The following PDE1A variants were observed in gnomAD, a reference collection of about 807,000 sequenced individuals.
The protein encoded by PDE1A is dual specificity calcium/calmodulin-dependent 3',5'-cyclic nucleotide phosphodiesterase 1A.
A neutral mutation model predicts 61.7 loss-of-function variants in PDE1A; 35 were observed. The observed-to-expected ratio is 0.57, with a 90% CI of 0.43 to 0.75. The LOEUF is 0.75. PDE1A is among the 30% of genes least tolerant of loss of function. The pLI, the probability that PDE1A is intolerant of heterozygous loss-of-function variation, is 0.00. For synonymous variants in PDE1A, 232 were observed against 213.2 expected, an observed-to-expected ratio of 1.09 and a Z score of -0.77; for missense variants, 597 against 630.6, an observed-to-expected ratio of 0.95 and a Z score of 0.57.
chr2:182,218,458 A>C (rs1688429226), intron 7 of PDE1A, among the ~76,000 whole-genome samples: 1 of 152,136 alleles, frequency 6.6e-6, no homozygotes, highest in Non-Finnish European at 1.5e-5. Flanking sequence ...AATACAATGC[A>C]TTGTTATTAA....
At chr2:182,319,751 A>G (rs191058989) in intron 1 of PDE1A, among the ~76,000 whole-genome samples, 9 of 152,354 alleles carry the variant, frequency 5.9e-5, no homozygotes, top group Admixed American at 4.6e-4. Flanking sequence ...TGACAAGCAC[A>G]GTAACTCATC....
the PDE1A span, among the ~76,000 whole-genome samples, chr2:182,694,852 G>T: frequency 0.58 from 81,089 of 138,624 alleles, 24,190 homozygotes; most frequent in Middle Eastern, 0.71. Flanking sequence ...TTGTTTGTTT[G>T]TTTTTTTTTT....
chr2:182,655,221 T>C, the PDE1A span, among the ~76,000 whole-genome samples: 1 of 152,144 alleles, frequency 6.6e-6, no homozygotes, highest in Admixed American at 6.5e-5. Flanking sequence ...TAGTCTCCCA[T>C]AATAAATCCA....
intron 1 of PDE1A, among the ~76,000 whole-genome samples, chr2:182,343,600 C>T (rs1033626754): frequency 3.9e-5 from 6 of 152,110 alleles, no homozygotes; most frequent in African/African-American, 1.4e-4. Flanking sequence ...ACAAGGTTAG[C>T]ATTTTATACA....
chr2:182,502,726 T>A (rs1689156178), intron 2 of PDE1A, among the ~76,000 whole-genome samples: 1 of 152,144 alleles, frequency 6.6e-6, no homozygotes, highest in African/African-American at 2.4e-5. Context: ...AAAATCAGAC[T>A]TTTTTCATTT....
chr2:182,642,123 A>C, the PDE1A span, among the ~76,000 whole-genome samples: 1 of 152,242 alleles, frequency 6.6e-6, no homozygotes. Flanking sequence ...ATGATATGGA[A>C]TCCTGCAAAT....
chr2:182,700,943 T>G, the PDE1A span, among the ~76,000 whole-genome samples: 2 of 151,994 alleles, frequency 1.3e-5, no homozygotes, highest in Admixed American at 1.3e-4. Flanking sequence ...AGTAATTCAT[T>G]AAATGCATGT....
chr2:182,152,391 T>C (rs1690832549), intron 13 of PDE1A, among the ~76,000 whole-genome samples: 1 of 150,080 alleles, frequency 6.7e-6, no homozygotes, highest in Non-Finnish European at 1.5e-5. Context: ...CCAGGGGAAA[T>C]ACTTTCCCTA....
intron 1 of PDE1A, among the ~76,000 whole-genome samples, chr2:182,332,598 T>C (rs1414572721): frequency 1.3e-5 from 2 of 152,190 alleles, no homozygotes; most frequent in African/African-American, 2.4e-5. Flanking sequence ...CATTTGTTCA[T>C]TTTCCCGCTG....
At chr2:182,600,824 A>G in the PDE1A span, among the ~76,000 whole-genome samples, 100 of 152,282 alleles carry the variant, frequency 6.6e-4, no homozygotes, top group Middle Eastern at 0.01. Flanking sequence ...ATTATCCCCT[A>G]CCCAACACTG....
intron 2 of PDE1A, among the ~76,000 whole-genome samples, chr2:182,262,396 G>C (rs1692290799): frequency 6.6e-6 from 1 of 151,980 alleles, no homozygotes; most frequent in Non-Finnish European, 1.5e-5. Context: ...CTCCCAAATA[G>C]CTGGGACTAC....
chr2:182,308,209 C>G (rs1695724719), intron 1 of PDE1A, among the ~76,000 whole-genome samples: 2 of 151,934 alleles, frequency 1.3e-5, no homozygotes, highest in Admixed American at 1.3e-4. Flanking sequence ...GGAGAAATAC[C>G]ACACATAACA....
At position 182,315,783 on chromosome 2, in the gene PDE1A, T is replaced by C. The variant is rs1484384192; in HGVS notation, c.54-51369A>G. 2.0e-5 allele frequency among the ~76,000 whole-genome samples: 3 copies of C among 152,170 alleles called. No individual in the cohort carries two copies. The East Asian group carries it at 5.8e-4, about 29-fold the overall frequency. Reference sequence around the variant, plus strand: ...ACAGAGTAGGAGAGAGAAATATTCTTTTCTACAGTTTCAAGGTCCACTATG... The same window carrying C: ...ACAGAGTAGGAGAGAGAAATATTCTCTTCTACAGTTTCAAGGTCCACTATG... On this transcript the variant is annotated intron_variant, in intron 1 of 13. Transcript: ENST00000351439.
At chr2:182,631,672 A>G in the PDE1A span, among the ~76,000 whole-genome samples, 1 of 152,246 alleles carries the variant, frequency 6.6e-6, no homozygotes, top group Non-Finnish European at 1.5e-5. Context: ...TATAGTTTGT[A>G]ATTTCTATTT....
At chr2:182,207,909 G>A (rs1190718225) in intron 7 of PDE1A, among the ~76,000 whole-genome samples, 2 of 152,260 alleles carry the variant, frequency 1.3e-5, no homozygotes, top group East Asian at 3.8e-4. Flanking sequence ...CATTGCTTCA[G>A]AGGGTGAAAG....
At chr2:182,567,781 TTC>T in the PDE1A span, among the ~76,000 whole-genome samples, 1 of 151,502 alleles carries the variant, frequency 6.6e-6, no homozygotes. Flanking sequence ...TACTTTTTTT[TTC>T]TTTTTTTCTT....
rs1428714166 is a variant in PDE1A at position 182,309,785 on chromosome 2, G to A, written c.54-45371C>T. On this transcript the variant is annotated intron_variant, in intron 1 of 13. Transcript: ENST00000351439. ...ATATCAAAACCATAATTTTAAGAAT[G>A]TTTCTGACACAAAGACATGGAGAAG... Among the ~76,000 whole-genome samples the A allele has an allele frequency of 3.3e-5, 5 of 152,218 alleles. No homozygotes were observed. In the East Asian group the frequency reaches 5.8e-4, roughly 18 times the overall value.
At chr2:182,255,731 C>A (rs1255758654) in intron 2 of PDE1A, among the ~76,000 whole-genome samples, 1 of 148,896 alleles carries the variant, frequency 6.7e-6, no homozygotes, top group African/African-American at 2.5e-5. Flanking sequence ...GGTCTCAGCT[C>A]ACTGCAACCT....
At chr2:182,166,754 T>C (rs1691672500), downstream of PDE1A, among the ~76,000 whole-genome samples, 1 of 152,196 alleles carries the variant, frequency 6.6e-6, no homozygotes, top group African/African-American at 2.4e-5. Context: ...TAGCCAAGTT[T>C]TCCACCTCCT....
Sources: allele counts gnomAD v4.1 joint callset (sites outside exome capture counted in the v4.1 genomes callset), GRCh38; gene constraint gnomAD v4.1.1; transcripts MANE v1.5; gene names NCBI Gene and HGNC (gene_info 2026-07-23, HGNC 2026-07-21).